The following MVB12B variants were observed in gnomAD, a reference collection of about 807,000 sequenced individuals.
The protein encoded by MVB12B is multivesicular body subunit 12B.
In MVB12B, 16 loss-of-function variants were observed where a neutral mutation model predicts 41.6. The observed-to-expected ratio is 0.38, with a 90% CI of 0.26 to 0.58. The LOEUF (loss-of-function observed/expected upper bound fraction) is 0.58. MVB12B is among the 20% of genes least tolerant of loss of function. The probability of loss-of-function intolerance (pLI) is 0.62; values close to 1 mark genes in which losing one functional copy is unlikely to be tolerated. For missense variants in MVB12B, 274 were observed against 380.2 expected, an observed-to-expected ratio of 0.72 and a Z score of 2.32; for synonymous variants, 133 against 139.7, an observed-to-expected ratio of 0.95 and a Z score of 0.34.
Position 126,483,991 on chromosome 9 carries a change from C to T in MVB12B, c.832C>T (p.Leu278=), listed in dbSNP as rs746011620. ...VPESMQPFDL[L]GITIKSLAEI... ...TTTTCAGATGCAGCCCTTTGATCTC[C>T]TGGGAATCACCATCAAATCTCTAGC... Residue 278 remains leucine, a synonymous_variant, in exon 9 of 10, where the codon CTG becomes TTG. Transcript: ENST00000361171. 6.2e-7 allele frequency: 1 copy of T among 1,614,086 alleles called. No homozygotes were observed. Among genetic ancestry groups the T allele is most frequent in the East Asian group, 2.2e-5 (1 of 44,880 alleles).
chr9:126,339,299 G>A (rs1176930426), intron 1 of MVB12B, among the ~76,000 whole-genome samples: 1 of 152,226 alleles, frequency 6.6e-6, no homozygotes, highest in Admixed American at 6.5e-5. Context: ...TGCTTAGTGA[G>A]GTAGGGTGTT....
chr9:126,377,809 C>T (rs1050084606), intron 2 of MVB12B, among the ~76,000 whole-genome samples: 4 of 152,184 alleles, frequency 2.6e-5, no homozygotes, highest in Non-Finnish European at 5.9e-5. Context: ...CACAGAGCCC[C>T]GGGACAACTG....
chr9:126,474,030 T>C, intron 7 of MVB12B, among the ~76,000 whole-genome samples: 1 of 152,148 alleles, frequency 6.6e-6, no homozygotes, highest in East Asian at 1.9e-4. Flanking sequence ...AGGGCCACTT[T>C]GTACCTGGGT....
Position 126,395,685 on chromosome 9 carries a change from C to G in MVB12B, c.650C>G (p.Pro217Arg). The G allele has an allele frequency of 6.2e-7, 1 of 1,614,094 alleles. No homozygotes were observed. Among genetic ancestry groups the G allele is most frequent in the South Asian group, 1.1e-5 (1 of 91,078 alleles). The change falls in exon 6 of 10, where the codon CCC becomes CGC. Residue 217 changes from proline (P) to arginine (R), a missense_variant. Transcript: ENST00000361171. The surrounding 1 kb of genome is among the most constrained non-coding windows in gnomAD (Gnocchi z 4.9). ...TCATCAGCTGCCTCCACCCCAGCCC[C>G]CAACCTTCCCAGGTGAGGCCTTGTC... Reference protein sequence around the residue: ...SQSSAASTPAPNLPRHISLTL... With the variant: ...SQSSAASTPARNLPRHISLTL...
intron 7 of MVB12B, among the ~76,000 whole-genome samples, chr9:126,447,097 A>ACTT (rs1449390413): frequency 1.3e-5 from 2 of 151,178 alleles, no homozygotes; most frequent in African/African-American, 2.4e-5. Flanking sequence ...GGTGCGCACC[A>ACTT]CTATGCCTGG....
intron 2 of MVB12B, among the ~76,000 whole-genome samples, chr9:126,364,077 A>T (rs905416494): frequency 4.6e-5 from 7 of 152,140 alleles, no homozygotes; most frequent in African/African-American, 1.7e-4. Flanking sequence ...TGTTTATTGA[A>T]TTGAATTAGC....
rs760424732 is a variant in MVB12B, at chr9:126,392,220, A to C, written c.539+25A>C. The C allele has an allele frequency of 2.5e-6, 4 of 1,612,870 alleles. No homozygotes were observed. The highest frequency in any genetic ancestry group is 3.4e-6 in the Non-Finnish European group (4 of 1,178,990). ...GGTGAGTCTTAATAACAGGACTGTC[A>C]GCTGCTTCTCTTCCCTGAGAGCACT... On this transcript the variant is annotated intron_variant, in intron 5 of 9. Transcript: ENST00000361171. The surrounding 1 kb of genome is among the most constrained non-coding windows in gnomAD (Gnocchi z 4.8).
chr9:126,435,432 T>A (rs879598), intron 7 of MVB12B, among the ~76,000 whole-genome samples: 1 of 152,300 alleles, frequency 6.6e-6, no homozygotes, highest in South Asian at 2.1e-4. Context: ...GCTGGAGATG[T>A]TAGCTTGCTA....
chr9:126,421,752 C>T (rs934674802), intron 6 of MVB12B, 102 bp from the exon 7 acceptor site: 31 of 870,520 alleles, frequency 3.6e-5, no homozygotes, highest in South Asian at 1.3e-4. Flanking sequence ...CTGCTCTGCC[C>T]GCTGATCTGT....
chr9:126,431,844 A>G (rs938049409), intron 7 of MVB12B, among the ~76,000 whole-genome samples: 6 of 152,138 alleles, frequency 3.9e-5, no homozygotes, highest in Admixed American at 2.0e-4. Context: ...ATCTCTCCAT[A>G]TCAGCAATTG....
At chr9:126,351,799 C>T (rs1588096393) in intron 2 of MVB12B, among the ~76,000 whole-genome samples, 1 of 152,146 alleles carries the variant, frequency 6.6e-6, no homozygotes, top group African/African-American at 2.4e-5. Flanking sequence ...CAGTCTTTCA[C>T]TCTTAAGTAT....
chr9:126,408,645 G>A (rs1359930984), intron 6 of MVB12B, among the ~76,000 whole-genome samples: 3 of 151,108 alleles, frequency 2.0e-5, no homozygotes, highest in East Asian at 2.0e-4. Flanking sequence ...GTGGAGGCTG[G>A]AAGCAGAAAG....
chr9:126,496,071 C>G (rs1833822072), intron 9 of MVB12B, among the ~76,000 whole-genome samples: 1 of 152,114 alleles, frequency 6.6e-6, no homozygotes, highest in African/African-American at 2.4e-5. Context: ...GGACTAGAAA[C>G]CAGGATGACC....
intron 6 of MVB12B, among the ~76,000 whole-genome samples, chr9:126,419,936 T>C (rs775366634): frequency 2.0e-5 from 3 of 152,154 alleles, no homozygotes; most frequent in Non-Finnish European, 2.9e-5. Flanking sequence ...TCCTAGGAGT[T>C]TGAACCCAAG....
At chr9:126,425,057 G>A (rs1780757834) in intron 7 of MVB12B, among the ~76,000 whole-genome samples, 1 of 152,202 alleles carries the variant, frequency 6.6e-6, no homozygotes, top group Admixed American at 6.5e-5. Context: ...TGTGAATATT[G>A]TTAAGTGGAA....
At chr9:126,396,421 GA>G in intron 6 of MVB12B, 1 of 985,514 alleles carries the variant, frequency 1.0e-6, no homozygotes, top group Non-Finnish European at 1.2e-6. Flanking sequence ...AATAAAACAA[GA>G]ACGGTGAGGC....
At chr9:126,344,283 TG>T (rs1829530803) in intron 2 of MVB12B, among the ~76,000 whole-genome samples, 1 of 152,084 alleles carries the variant, frequency 6.6e-6, no homozygotes. Flanking sequence ...AAGATGAAAT[TG>T]GGGGTAAGTG....
chr9:126,403,950 CTTT>C (rs36030597), intron 6 of MVB12B, among the ~76,000 whole-genome samples: 11,737 of 104,054 alleles, frequency 0.11, 227 homozygotes, highest in African/African-American at 0.13. Context: ...TCCTTTAAAT[CTTT>C]TTTTTTTTTT....
intron 7 of MVB12B, chr9:126,448,150 AG>A (rs1434207002): frequency 6.5e-6 from 1 of 154,272 alleles, no homozygotes; most frequent in Non-Finnish European, 1.4e-5. Flanking sequence ...AGCTCTTCCC[AG>A]AAGCCCTCCC....
Sources: gnomAD v4.1 joint callset for allele counts (sites outside exome capture counted in the v4.1 genomes callset) on GRCh38, gnomAD v4.1.1 for gene constraint, Gnocchi (gnomAD v3.1) non-coding constraint, MANE v1.5 for transcripts, NCBI Gene and HGNC (gene_info 2026-07-23, HGNC 2026-07-21) for gene names.